The following HIBCH variants were observed in gnomAD, a reference collection of about 807,000 sequenced individuals.
The protein encoded by HIBCH is 3-hydroxyisobutyryl-CoA hydrolase, also known as 3-hydroxyisobutyryl-CoA hydrolase, mitochondrial.
In HIBCH, 50 loss-of-function variants were observed where a neutral mutation model predicts 58.2. That is an observed-to-expected ratio of 0.86 (90% CI 0.68 to 1.09). HIBCH has a LOEUF of 1.09. Ranked by LOEUF, HIBCH falls within the 50% of genes least tolerant of loss-of-function variation. The pLI is 0.00. For missense variants in HIBCH, 450 were observed against 449.7 expected (o/e 1.00, Z -0.01); for synonymous variants, 151 against 146.9 (o/e 1.03, Z -0.20).
At chr2:190,234,966 G>C (rs1004285686) in intron 11 of HIBCH, among the ~76,000 whole-genome samples, 7 of 152,174 alleles carry the variant, frequency 4.6e-5, no homozygotes, top group Non-Finnish European at 1.0e-4. Context: ...ATGTTTCTTT[G>C]TGGCAGACTG....
intron 1 of HIBCH, among the ~76,000 whole-genome samples, chr2:190,316,811 AGAG>A (rs1688718163): frequency 6.6e-6 from 1 of 152,254 alleles, no homozygotes; most frequent in Non-Finnish European, 1.5e-5. Flanking sequence ...TAGAAGTAAA[AGAG>A]AAGACAGGCA....
At chr2:190,234,138 C>T (rs571377052) in intron 11 of HIBCH, among the ~76,000 whole-genome samples, 2 of 152,158 alleles carry the variant, frequency 1.3e-5, no homozygotes, top group Non-Finnish European at 2.9e-5. Context: ...GCCTGGGCAA[C>T]AAGAGTGAAA....
intron 2 of HIBCH, among the ~76,000 whole-genome samples, chr2:190,299,953 A>AT (rs140909176): frequency 0.56 from 84,810 of 151,994 alleles, 24,398 homozygotes; most frequent in South Asian, 0.61. Flanking sequence ...TTTGCTAAGG[A>AT]TGATGGCCTC....
intron 2 of HIBCH, among the ~76,000 whole-genome samples, chr2:190,300,203 G>A (rs1278405760): frequency 6.6e-6 from 1 of 152,150 alleles, no homozygotes; most frequent in Admixed American, 6.6e-5. Context: ...CTGCTGGGTC[G>A]AATGACAGTT....
rs546179428 is a variant in HIBCH, at chr2:190,315,039, C to A, written c.36-4243G>T. On this transcript the variant is annotated intron_variant, in intron 1 of 13. Coordinates refer to ENST00000359678, the MANE Select transcript of HIBCH (RefSeq NM_014362.4). This position sits in a 1 kb window ranked among gnomAD's most constrained non-coding sequence, Gnocchi z 5.4. ...CTCGGCTCACTGCAGGCTCTGCCTT[C>A]CGGGTTCACGCCATTCTCCTGCCTC... Among the ~76,000 whole-genome samples the A allele has an allele frequency of 2.0e-5, 3 of 151,964 alleles. No individual in the cohort carries two copies. Among genetic ancestry groups the A allele is most frequent in the Non-Finnish European group, 4.4e-5 (3 of 67,964 alleles).
chr2:190,226,282 T>G (rs192527003), intron 11 of HIBCH, among the ~76,000 whole-genome samples: 154 of 133,094 alleles, frequency 1.2e-3, no homozygotes, highest in Non-Finnish European at 2.0e-3. Context: ...GAGAAAGAAA[T>G]AAAGGTATTC....
intron 11 of HIBCH, among the ~76,000 whole-genome samples, chr2:190,227,042 T>C (rs1685925749): frequency 6.6e-6 from 1 of 152,200 alleles, no homozygotes; most frequent in African/African-American, 2.4e-5. Context: ...CCCATCAAGC[T>C]ACCAATGACT....
chr2:190,274,992 T>G (rs2582773), intron 6 of HIBCH, among the ~76,000 whole-genome samples: 15 of 152,176 alleles, frequency 9.9e-5, no homozygotes, highest in Middle Eastern at 6.8e-3. Context: ...CTCAAAATAA[T>G]CTGCTCAAAA....
chr2:190,248,678 A>G (rs1011149724), intron 9 of HIBCH, among the ~76,000 whole-genome samples: 1 of 152,018 alleles, frequency 6.6e-6, no homozygotes, highest in East Asian at 1.9e-4. Flanking sequence ...CCTGGCCAAC[A>G]TGGTGAAACC....
intron 7 of HIBCH, among the ~76,000 whole-genome samples, chr2:190,258,480 C>A (rs1686991944): frequency 6.6e-6 from 1 of 152,186 alleles, no homozygotes; most frequent in Non-Finnish European, 1.5e-5. Flanking sequence ...TAGGTTGCCT[C>A]TTTACTCTGC....
intron 2 of HIBCH, among the ~76,000 whole-genome samples, chr2:190,308,040 T>C (rs1352286450): frequency 6.6e-6 from 1 of 152,248 alleles, no homozygotes; most frequent in Non-Finnish European, 1.5e-5. Flanking sequence ...TTTCTCTCTC[T>C]CTGTCTCAGA....
At chr2:190,193,426 G>A (rs1028010714) in intron 1 of HIBCH, among the ~76,000 whole-genome samples, 2 of 152,000 alleles carry the variant, frequency 1.3e-5, no homozygotes, top group South Asian at 2.1e-4. Flanking sequence ...AGAATAATTC[G>A]GGAAATCTTT....
chr2:190,293,642 G>C (rs1453351966), intron 4 of HIBCH, among the ~76,000 whole-genome samples: 1 of 152,010 alleles, frequency 6.6e-6, no homozygotes, highest in East Asian at 1.9e-4. Context: ...CTGTTCCTAA[G>C]GTAATGGTTT....
At chr2:190,293,727 CAA>C (rs1688018128) in intron 4 of HIBCH, among the ~76,000 whole-genome samples, 1 of 151,330 alleles carries the variant, frequency 6.6e-6, no homozygotes, top group African/African-American at 2.4e-5. Flanking sequence ...AATTAAAACA[CAA>C]AGAAAAAAAC....
At chr2:190,257,229 GA>G in intron 7 of HIBCH, among the ~76,000 whole-genome samples, 1 of 152,208 alleles carries the variant, frequency 6.6e-6, no homozygotes, top group African/African-American at 2.4e-5. Context: ...GAAGAGAGAA[GA>G]CTTTCTGTAG....
chr2:190,191,784 T>C (rs34950043), intron 1 of HIBCH, among the ~76,000 whole-genome samples: 13,969 of 152,264 alleles, frequency 0.092, 1,652 homozygotes, highest in African/African-American at 0.27. Context: ...ACTGCCTAAA[T>C]CTTTCAAATC....
rs148862555 is a variant in HIBCH at position 190,208,855 on chromosome 2, T to C, written c.1045+25A>G. ...GCTCACAAATCCCATTTCCCCAAAA[T>C]GGTAAGTTCCCATTTGCCACTTACC... On this transcript the variant is annotated intron_variant, in intron 13 of 13. Transcript: ENST00000359678. 1,894 of 1,606,500 alleles carry C rather than the reference T, an allele frequency of 1.2e-3. 13 individuals carry two copies. The highest frequency in any genetic ancestry group is 7.4e-3 in the South Asian group (670 of 90,840).
At chr2:190,282,915 TATAAAGTAACA>T (rs1303063706) in intron 6 of HIBCH, among the ~76,000 whole-genome samples, 2 of 148,366 alleles carry the variant, frequency 1.3e-5, no homozygotes, top group Non-Finnish European at 3.0e-5. Flanking sequence ...AAAGATGAGA[TATAAAGTAACA>T]ATAAAGTACA....
At chr2:190,200,121 T>C (rs747650814), downstream of HIBCH, 7 of 1,614,042 alleles carry the variant, frequency 4.3e-6, no homozygotes, top group South Asian at 7.7e-5. Flanking sequence ...ACCATGACAT[T>C]CCATACATTG....
Sources: gnomAD v4.1 joint callset for allele counts (sites outside exome capture counted in the v4.1 genomes callset) on GRCh38, gnomAD v4.1.1 for gene constraint, Gnocchi (gnomAD v3.1) non-coding constraint, MANE v1.5 for transcripts, NCBI Gene and HGNC (gene_info 2026-07-23, HGNC 2026-07-21) for gene names.